PHKB: variants seen among roughly 807,000 people sequenced by gnomAD.
PHKB encodes the protein phosphorylase b kinase regulatory subunit beta.
A neutral mutation model predicts 152.1 loss-of-function variants in PHKB; 122 were observed. That is an observed-to-expected ratio of 0.80 (90% CI 0.69 to 0.93). PHKB has a LOEUF of 0.93. Among genes scored for constraint, PHKB ranks in the 40% least tolerant of loss-of-function variants. The pLI, the probability that PHKB is intolerant of heterozygous loss-of-function variation, is 0.00. For synonymous variants in PHKB, 436 were observed against 464.9 expected (o/e 0.94, Z 0.80); for missense variants, 1,304 against 1,328.4 (o/e 0.98, Z 0.29).
intron 14 of PHKB, among the ~76,000 whole-genome samples, chr16:47,623,756 C>G (rs1015479140): frequency 2.0e-5 from 3 of 151,940 alleles, no homozygotes; most frequent in African/African-American, 7.3e-5. Context: ...TGGAGTTTCA[C>G]CAGGTTGACC....
chr16:47,533,426 GC>G (rs375659297), intron 6 of PHKB, among the ~76,000 whole-genome samples: 110 of 152,290 alleles, frequency 7.2e-4, no homozygotes, highest in African/African-American at 2.3e-3. Context: ...GAACCTGTCT[GC>G]CTCCTGCCTG....
intron 2 of PHKB, among the ~76,000 whole-genome samples, chr16:47,499,443 C>T (rs560139850): frequency 1.3e-5 from 2 of 152,242 alleles, no homozygotes; most frequent in African/African-American, 4.8e-5. Flanking sequence ...CTCTTTTTCC[C>T]TCTGTACCTG....
At chr16:47,530,219 T>G (rs1008583764) in intron 6 of PHKB, among the ~76,000 whole-genome samples, 1 of 146,054 alleles carries the variant, frequency 6.8e-6, no homozygotes, top group Admixed American at 6.9e-5. Context: ...TACTGCAACC[T>G]CTGCCTCCTG....
At chr16:47,612,975 C>T (rs904149971) in intron 14 of PHKB, among the ~76,000 whole-genome samples, 6 of 152,084 alleles carry the variant, frequency 3.9e-5, no homozygotes, top group African/African-American at 7.2e-5. Context: ...CATGATTGAC[C>T]AGGTCAGATT....
chr16:47,572,888 G>A (rs190767850), intron 7 of PHKB, among the ~76,000 whole-genome samples: 6 of 152,308 alleles, frequency 3.9e-5, no homozygotes, highest in Non-Finnish European at 8.8e-5. Flanking sequence ...AGCAGACATT[G>A]TAGAGGGCTG....
chr16:47,496,332 CTCTT>C (rs781651765), intron 1 of PHKB, among the ~76,000 whole-genome samples: 3 of 151,398 alleles, frequency 2.0e-5, no homozygotes, highest in Admixed American at 6.6e-5. Context: ...AATGTATACA[CTCTT>C]TCTTTACTTT....
intron 1 of PHKB, among the ~76,000 whole-genome samples, chr16:47,475,776 TAGAG>T (rs1313907142): frequency 6.6e-6 from 1 of 152,234 alleles, no homozygotes; most frequent in East Asian, 1.9e-4. Flanking sequence ...TAAGCATTGA[TAGAG>T]AGTGTTAATC....
At chr16:47,690,386 C>T (rs574063065) in intron 27 of PHKB, among the ~76,000 whole-genome samples, 2 of 152,048 alleles carry the variant, frequency 1.3e-5, no homozygotes, top group Admixed American at 6.5e-5. Context: ...CCAAGGACAA[C>T]AAAAGAAAAA....
At chr16:47,687,915 G>A (rs1309617802) in intron 26 of PHKB, among the ~76,000 whole-genome samples, 1 of 152,142 alleles carries the variant, frequency 6.6e-6, no homozygotes, top group Non-Finnish European at 1.5e-5. Context: ...TTTTCTTACG[G>A]TTCTCTACAT....
intron 7 of PHKB, among the ~76,000 whole-genome samples, chr16:47,573,455 C>G (rs765715664): frequency 5.9e-5 from 9 of 152,164 alleles, no homozygotes; most frequent in Non-Finnish European, 1.2e-4. Flanking sequence ...GGAACTGCCT[C>G]TGTTGCATAA....
rs185739325 is a variant in PHKB, at chr16:47,484,430, A to C, written c.77-12969A>C. ...CGTAGACTCTAAATCTTGAGGGTTCAAATGAAGTATAATAATAAATAGGAG... is the reference window on the plus strand; with the variant it reads ...CGTAGACTCTAAATCTTGAGGGTTCCAATGAAGTATAATAATAAATAGGAG... On this transcript the variant is annotated intron_variant, in intron 1 of 30. Transcript: ENST00000323584. Among the ~76,000 whole-genome samples the C allele has an allele frequency of 2.0e-5, 3 of 152,354 alleles. No homozygotes were observed. In the East Asian group the frequency reaches 5.8e-4, roughly 29 times the overall value.
chr16:47,499,815 T>C lies in PHKB; in HGVS notation c.226T>C (p.Cys76Arg), dbSNP rs761242417. The change falls in exon 3 of 31, where the codon TGC (cysteine) becomes CGC (arginine). Residue 76 changes from cysteine (C) to arginine (R), a missense_variant. By Grantham distance (180) the Cys-to-Arg change is radical. Coordinates refer to ENST00000323584, the MANE Select transcript of PHKB (RefSeq NM_000293.3). ...TACCGGTCTCTTTCCCACTAAAACA[T>C]GCGGTGGTGACCAGAAGGCCAAGAT... ...PTTGLFPTKT[C>R]GGDQKAKIQD... The C allele has an allele frequency of 8.7e-6, 14 of 1,614,052 alleles. No individual in the cohort carries two copies. Among genetic ancestry groups the C allele is most frequent in the South Asian group, 4.4e-5 (4 of 91,082 alleles).
chr16:47,477,344 T>C (rs1969885743), intron 1 of PHKB, among the ~76,000 whole-genome samples: 1 of 152,200 alleles, frequency 6.6e-6, no homozygotes, highest in African/African-American at 2.4e-5. Flanking sequence ...GGCTTGGTGC[T>C]GGGGACTCAA....
intron 1 of PHKB, among the ~76,000 whole-genome samples, chr16:47,479,990 T>C (rs904774838): frequency 2.6e-5 from 4 of 152,218 alleles, no homozygotes; most frequent in African/African-American, 9.6e-5. Flanking sequence ...AGGCCATTGC[T>C]GTACATTGCT....
chr16:47,598,723 A>G lies in PHKB; in HGVS notation c.1363+2192A>G, dbSNP rs957804821. ...TGGCGCCCATGGTTTCCACTCCCTC[A>G]TTTTTCTTGCCAGATTTAGTTCATG... On this transcript the variant is annotated intron_variant, in intron 13 of 30. Coordinates refer to ENST00000323584, the MANE Select transcript of PHKB (RefSeq NM_000293.3). 4 of 1,574,890 alleles carry G rather than the reference A, an allele frequency of 2.5e-6. No individual in the cohort carries two copies. The Admixed American group carries it at 6.7e-5, about 26-fold the overall frequency.
chr16:47,561,370 T>C (rs1327658562), intron 7 of PHKB: 2 of 152,228 alleles, frequency 1.3e-5, no homozygotes, highest in Non-Finnish European at 2.9e-5. Flanking sequence ...CACTAAAGCC[T>C]TCTGGCTATT....
Position 47,530,596 on chromosome 16 carries a change from TTAGA to T in PHKB, c.594+14998_594+15001del, listed in dbSNP as rs1482593207. ...ATTTCTAGTAAATTGAAATGAATTC[TTAGA>T]TAAACTACTAAAAGTCATTAAAAAT... is the stretch of plus-strand genomic sequence containing the variant. On this transcript the variant is annotated intron_variant, in intron 6 of 30. Transcript: ENST00000323584. Among the ~76,000 whole-genome samples the T allele has an allele frequency of 1.1e-4, 17 of 152,326 alleles. No homozygotes were observed. In the East Asian group the frequency reaches 3.3e-3, roughly 29 times the overall value.
intron 26 of PHKB, among the ~76,000 whole-genome samples, chr16:47,678,150 T>G (rs1973771258): frequency 6.6e-6 from 1 of 152,090 alleles, no homozygotes; most frequent in Non-Finnish European, 1.5e-5. Context: ...GTGCCACATT[T>G]TCTTAATCCA....
chr16:47,499,971 C>T lies in PHKB; in HGVS notation c.305+77C>T. ...TGTAGGACCAAGACTAATTGAGCCGCTATCTTTTGGCTCTGCTGCTGACTC... is the reference window on the plus strand; with the variant it reads ...TGTAGGACCAAGACTAATTGAGCCGTTATCTTTTGGCTCTGCTGCTGACTC... On this transcript the variant is annotated intron_variant, in intron 3 of 30. Coordinates refer to ENST00000323584, the MANE Select transcript of PHKB (RefSeq NM_000293.3). 2.0e-6 allele frequency: 3 copies of T among 1,536,542 alleles called. No individual in the cohort carries two copies. The South Asian group carries it at 3.4e-5, about 17-fold the overall frequency.
Sources: allele counts gnomAD v4.1 joint callset (sites outside exome capture counted in the v4.1 genomes callset), GRCh38; gene constraint gnomAD v4.1.1; transcripts MANE v1.5; gene names NCBI Gene and HGNC (gene_info 2026-07-23, HGNC 2026-07-21).